NALF1: variants seen among roughly 807,000 people sequenced by gnomAD.
NALF1 encodes the protein family with sequence similarity 155 member A.
A neutral mutation model predicts 48.4 loss-of-function variants in NALF1; 3 were observed. That is an observed-to-expected ratio of 0.06 (90% CI 0.03 to 0.16). The LOEUF (loss-of-function observed/expected upper bound fraction) is 0.16, where lower values mean the gene tolerates loss of function less well. NALF1 is among the 10% of genes least tolerant of loss of function. The pLI, the probability that NALF1 is intolerant of heterozygous loss-of-function variation, is 1.00. For missense variants in NALF1, 526 were observed against 571.5 expected (o/e 0.92, Z 0.81); for synonymous variants, 262 against 245.7 (o/e 1.07, Z -0.62).
intron 1 of NALF1, among the ~76,000 whole-genome samples, chr13:107,475,259 G>C (rs1465498025): frequency 6.6e-6 from 1 of 152,172 alleles, no homozygotes; most frequent in Non-Finnish European, 1.5e-5. Flanking sequence ...ATAGCATTTT[G>C]TGTTCATACA....
chr13:107,813,351 G>A (rs9555411), intron 1 of NALF1, among the ~76,000 whole-genome samples: 91,408 of 151,916 alleles, frequency 0.6, 28,431 homozygotes, highest in African/African-American at 0.75. Context: ...AGCTTAAAAC[G>A]TAAAGAAACA....
chr13:107,195,115 T>C (rs768470758), intron 2 of NALF1, among the ~76,000 whole-genome samples: 109 of 152,170 alleles, frequency 7.2e-4, no homozygotes, highest in Non-Finnish European at 1.4e-3. Context: ...TTGCACGCTG[T>C]TGGGAATGTA....
intron 1 of NALF1, among the ~76,000 whole-genome samples, chr13:107,704,280 T>C (rs897984064): frequency 1.3e-5 from 2 of 152,212 alleles, no homozygotes; most frequent in Admixed American, 6.5e-5. Flanking sequence ...AAATGTATTA[T>C]TGAATTATTT....
intron 1 of NALF1, among the ~76,000 whole-genome samples, chr13:107,289,104 A>T (rs931703190): frequency 6.6e-6 from 1 of 152,170 alleles, no homozygotes; most frequent in Non-Finnish European, 1.5e-5. Context: ...CACCACTGTC[A>T]CAGGATATTG....
intron 1 of NALF1, among the ~76,000 whole-genome samples, chr13:107,380,177 A>G (rs192819076): frequency 2.2e-3 from 330 of 152,302 alleles, no homozygotes; most frequent in Non-Finnish European, 4.0e-3. Context: ...GCATTTCTGA[A>G]TCCTTAACTA....
At chr13:107,614,064 G>A (rs550948087) in intron 1 of NALF1, among the ~76,000 whole-genome samples, 1 of 152,290 alleles carries the variant, frequency 6.6e-6, no homozygotes, top group Admixed American at 6.5e-5. Context: ...AATATTTCTT[G>A]TTTGTTCACT....
chr13:107,817,682 T>C (rs535885627), intron 1 of NALF1, among the ~76,000 whole-genome samples: 43 of 152,318 alleles, frequency 2.8e-4, no homozygotes, highest in Admixed American at 6.5e-4. Flanking sequence ...GCTAAAGGAC[T>C]CCTGCTCAAA....
intron 1 of NALF1, among the ~76,000 whole-genome samples, chr13:107,332,080 G>C (rs532049106): frequency 6.6e-6 from 1 of 152,210 alleles, no homozygotes; most frequent in Admixed American, 6.5e-5. Context: ...TGGACATTAA[G>C]GTTTAGTTTC....
chr13:107,777,706 TC>T (rs1371465878), intron 1 of NALF1, among the ~76,000 whole-genome samples: 7 of 152,162 alleles, frequency 4.6e-5, no homozygotes, highest in Non-Finnish European at 5.9e-5. Flanking sequence ...AAACCCTTTT[TC>T]TTTACCCAGC....
At chr13:107,718,645 T>G (rs889190862) in intron 1 of NALF1, among the ~76,000 whole-genome samples, 15 of 152,270 alleles carry the variant, frequency 9.9e-5, no homozygotes, top group African/African-American at 3.6e-4. Flanking sequence ...CCCCATGTAG[T>G]TGAAAGAACA....
rs190019740 is a variant in NALF1 at position 107,512,490 on chromosome 13, C to T, written c.916-301735G>A. ...GACAGGTGAGCCCCAGCTTGGGACT[C>T]GGCTCATGAGGGTCCTTGGCTTTGT... On this transcript the variant is annotated intron_variant, in intron 1 of 2. Coordinates refer to ENST00000375915, the MANE Select transcript of NALF1 (RefSeq NM_001080396.3). 1.6e-3 allele frequency among the ~76,000 whole-genome samples: 240 copies of T among 152,290 alleles called. 1 individual carries two copies. Among genetic ancestry groups the T allele is most frequent in the Middle Eastern group, 3.4e-3 (1 of 294 alleles).
chr13:107,338,513 T>C (rs1407054134), intron 1 of NALF1, among the ~76,000 whole-genome samples: 1 of 152,240 alleles, frequency 6.6e-6, no homozygotes, highest in Non-Finnish European at 1.5e-5. Flanking sequence ...TGTGTTTGAA[T>C]ACTGGCTTTA....
chr13:107,352,674 C>A (rs186490821), intron 1 of NALF1, among the ~76,000 whole-genome samples: 1 of 152,154 alleles, frequency 6.6e-6, no homozygotes, highest in Non-Finnish European at 1.5e-5. Flanking sequence ...CAAAGCCCCA[C>A]GTTCTAATGC....
chr13:107,439,840 T>C (rs1484449438), intron 1 of NALF1, among the ~76,000 whole-genome samples: 1 of 152,186 alleles, frequency 6.6e-6, no homozygotes, highest in Non-Finnish European at 1.5e-5. Flanking sequence ...ACCTGGAATA[T>C]TGTGAGTTGT....
At chr13:107,692,764 G>C (rs1881595394) in intron 1 of NALF1, among the ~76,000 whole-genome samples, 1 of 152,118 alleles carries the variant, frequency 6.6e-6, no homozygotes, top group African/African-American at 2.4e-5. Flanking sequence ...TATATTTATG[G>C]CTATGCCAAA....
chr13:107,599,247 C>T lies in NALF1; in HGVS notation c.915+266435G>A, dbSNP rs961974718. Reference sequence around the variant, plus strand: ...CATCCTGGCTAACACGGTGAAACCCCGTCTCTACCAAAAAAATACAAAAAA... The same window carrying T: ...CATCCTGGCTAACACGGTGAAACCCTGTCTCTACCAAAAAAATACAAAAAA... On this transcript the variant is annotated intron_variant, in intron 1 of 2. Coordinates refer to ENST00000375915, the MANE Select transcript of NALF1 (RefSeq NM_001080396.3). Among the ~76,000 whole-genome samples, 6 of 151,940 alleles carry T rather than the reference C, an allele frequency of 3.9e-5. No individual in the cohort carries two copies. In the South Asian group the frequency reaches 8.3e-4, roughly 21 times the overall value.
chr13:107,232,038 C>A (rs576635253), intron 1 of NALF1, among the ~76,000 whole-genome samples: 2 of 152,180 alleles, frequency 1.3e-5, no homozygotes, highest in Non-Finnish European at 2.9e-5. Context: ...AATAAGCAAG[C>A]CTTGATCAAG....
chr13:107,391,630 A>G (rs1292624855), intron 1 of NALF1, among the ~76,000 whole-genome samples: 1 of 152,108 alleles, frequency 6.6e-6, no homozygotes, highest in East Asian at 1.9e-4. Flanking sequence ...CCTCTGCACA[A>G]GAAAACTTTG....
intron 1 of NALF1, among the ~76,000 whole-genome samples, chr13:107,705,819 C>A (rs1164704719): frequency 6.6e-6 from 1 of 151,926 alleles, no homozygotes; most frequent in African/African-American, 2.4e-5. Flanking sequence ...ACAAAGTGTG[C>A]ACATTTGGGA....
Sources: allele counts gnomAD v4.1 joint callset (sites outside exome capture counted in the v4.1 genomes callset), GRCh38; gene constraint gnomAD v4.1.1; transcripts MANE v1.5; gene names NCBI Gene and HGNC (gene_info 2026-07-23, HGNC 2026-07-21).